UBE3B: variants seen among roughly 807,000 people sequenced by gnomAD.
The protein encoded by UBE3B is ubiquitin protein ligase E3B, also known as ubiquitin-protein ligase E3B.
A neutral mutation model predicts 132.3 loss-of-function variants in UBE3B; 80 were observed. That is an observed-to-expected ratio of 0.60 (90% CI 0.50 to 0.73). The LOEUF is 0.73. Ranked by LOEUF, UBE3B falls within the 30% of genes least tolerant of loss-of-function variation. The probability of loss-of-function intolerance (pLI) is 0.00; values close to 1 mark genes in which losing one functional copy is unlikely to be tolerated. For synonymous variants in UBE3B, 487 were observed against 520.4 expected, an observed-to-expected ratio of 0.94 and a Z score of 0.87; for missense variants, 1,196 against 1,362.5, an observed-to-expected ratio of 0.88 and a Z score of 1.92.
At position 109,534,160 on chromosome 12, in the gene UBE3B, C is replaced by T; in HGVS notation, c.3016-431C>T. 7.9e-7 allele frequency: 1 copy of T among 1,269,520 alleles called. No individual in the cohort carries two copies. Among genetic ancestry groups the T allele is most frequent in the Non-Finnish European group, 1.0e-6 (1 of 982,252 alleles). The allele number at this position is 1,269,520 out of a possible 1,614,324, so 78.6% of individuals were successfully genotyped here. ...CCGTGATGCCACCTTGTACAGGAAG[C>T]TACACAGTCCTCGGCCTCCATGCTT... On this transcript the variant is annotated intron_variant, in intron 27 of 27. Transcript: ENST00000342494. This position sits in a 1 kb window ranked among gnomAD's most constrained non-coding sequence, Gnocchi z 5.2.
rs1425103051 is a variant in UBE3B at position 109,533,478 on chromosome 12, T to C, written c.2935T>C (p.Cys979Arg). The change falls in exon 27 of 28, where the codon TGC (cysteine) becomes CGC (arginine). Residue 979 changes from cysteine (C) to arginine (R), a missense_variant. Coordinates refer to ENST00000342494, the MANE Select transcript of UBE3B (RefSeq NM_130466.4). ...CTTTGTGTTGCAGTTCGTGACCAGCTGCTCCAGACCCCCGCTCCTGGGATT... is the reference window on the plus strand; with the variant it reads ...CTTTGTGTTGCAGTTCGTGACCAGCCGCTCCAGACCCCCGCTCCTGGGATT... The part of the protein sequence containing the change: ...RAMFLKFVTS[C>R]SRPPLLGFAY... 6.2e-7 allele frequency: 1 copy of C among 1,614,136 alleles called. No individual in the cohort carries two copies. The highest frequency in any genetic ancestry group is 8.5e-7 in the Non-Finnish European group (1 of 1,180,012).
At position 109,499,632 on chromosome 12, in the gene UBE3B, G is replaced by A. The variant is rs886041886; in HGVS notation, c.941-1G>A. 1 of 1,586,496 alleles carries A rather than the reference G, an allele frequency of 6.3e-7. No individual in the cohort carries two copies. The highest frequency in any genetic ancestry group is 8.6e-7 in the Non-Finnish European group (1 of 1,165,276). On this transcript the variant is annotated splice_acceptor_variant, in intron 11 of 27. Coordinates refer to ENST00000342494, the MANE Select transcript of UBE3B (RefSeq NM_130466.4). LOFTEE classifies it high-confidence loss of function. The stretch of plus-strand genomic sequence containing the variant: ...TCACACTCAGCCTTCTCTCTCTGTA[G>A]GCAACCTCCTACACTTGGGCTCCCT...
chr12:109,508,876 T>C, intron 15 of UBE3B: 1 of 452,226 alleles, frequency 2.2e-6, no homozygotes, highest in Non-Finnish European at 2.9e-6. Context: ...GTGTCACTAG[T>C]ATGTGTCTTA....
chr12:109,538,460 C>T (rs1221464613), downstream of UBE3B, among the ~76,000 whole-genome samples: 2 of 152,204 alleles, frequency 1.3e-5, no homozygotes, highest in African/African-American at 4.8e-5. This position sits in a 1 kb window ranked among gnomAD's most constrained non-coding sequence, Gnocchi z 4.1. Context: ...TGGAGGGCAG[C>T]CTCCCTGTGT....
downstream of UBE3B, among the ~76,000 whole-genome samples, chr12:109,540,260 T>G (rs1467231371): frequency 6.6e-6 from 1 of 152,132 alleles, no homozygotes; most frequent in African/African-American, 2.4e-5. Flanking sequence ...GGATCAAGAT[T>G]GCCCAGGCGC....
chr12:109,480,776 A>G (rs73196264), intron 1 of UBE3B, among the ~76,000 whole-genome samples: 6,618 of 152,272 alleles, frequency 0.043, 200 homozygotes, highest in Middle Eastern at 0.075. Flanking sequence ...CACCATGTGC[A>G]TGCTGTGGAA....
intron 14 of UBE3B, among the ~76,000 whole-genome samples, chr12:109,506,693 G>A (rs990779652): frequency 2.6e-5 from 4 of 152,204 alleles, no homozygotes; most frequent in African/African-American, 7.2e-5. Context: ...CCGCTTTTGT[G>A]CTGTAGTGGT....
chr12:109,513,977 C>T (rs922854710), intron 18 of UBE3B, among the ~76,000 whole-genome samples: 10 of 152,214 alleles, frequency 6.6e-5, no homozygotes, highest in Non-Finnish European at 1.2e-4. Flanking sequence ...GTAATAGGCT[C>T]TCTCTGCTCT....
Position 109,507,465 on chromosome 12 carries a change from T to A in UBE3B, c.1451-99T>A, listed in dbSNP as rs890057550. On this transcript the variant is annotated intron_variant, in intron 14 of 27. Coordinates refer to ENST00000342494, the MANE Select transcript of UBE3B (RefSeq NM_130466.4). ...TCTTTTCACGCACATTAAATGTTCA[T>A]GGATAGGTTTAAGTGTTTTGTTTCC... 3.1e-6 allele frequency: 4 copies of A among 1,295,474 alleles called. No individual in the cohort carries two copies. In the African/African-American group the frequency reaches 6.0e-5, roughly 19 times the overall value. 80.2% of individuals were successfully genotyped at this position (1,295,474 alleles called of 1,614,324 possible). A position where few individuals can be genotyped will look rare whatever the true frequency, so the allele number is the denominator to read the frequency against.
rs778309991 is a variant in UBE3B, at chr12:109,530,528, A to G, written c.2811-19A>G. The G allele has an allele frequency of 6.2e-7, 1 of 1,611,164 alleles. No homozygotes were observed. The highest frequency in any genetic ancestry group is 1.1e-5 in the South Asian group (1 of 91,020). On this transcript the variant is annotated intron_variant, in intron 25 of 27. Coordinates refer to ENST00000342494, the MANE Select transcript of UBE3B (RefSeq NM_130466.4). ...CCCACGCTAGCACATTGCTGAGCCC[A>G]GGTCTGTATTGCTTTCAGGAAGCAC...
intron 1 of UBE3B, among the ~76,000 whole-genome samples, chr12:109,478,399 A>G (rs1462451761): frequency 6.6e-6 from 1 of 152,188 alleles, no homozygotes; most frequent in Non-Finnish European, 1.5e-5. Flanking sequence ...AAAAGCATCC[A>G]CCTTAGATAG....
At chr12:109,504,691 A>C (rs186076221) in intron 14 of UBE3B, among the ~76,000 whole-genome samples, 1,550 of 152,296 alleles carry the variant, frequency 0.01, 15 homozygotes, top group Non-Finnish European at 0.014. Flanking sequence ...CAGGTTTCCC[A>C]AAGATGAGCA....
At chr12:109,512,660 G>C (rs915937374) in intron 18 of UBE3B, among the ~76,000 whole-genome samples, 6 of 152,090 alleles carry the variant, frequency 3.9e-5, no homozygotes, top group African/African-American at 1.4e-4. Context: ...TCATTTTTCA[G>C]AGGTATTTCA....
In UBE3B at chr12:109,534,335, A is replaced by C; in HGVS notation, c.3016-256A>C. ...TAACCAGTAATTCGCTGTGAACCGG[A>C]AGGCCCCATTTCCAAAAGCTTACTT... On this transcript the variant is annotated intron_variant, in intron 27 of 27. Coordinates refer to ENST00000342494, the MANE Select transcript of UBE3B (RefSeq NM_130466.4). This position sits in a 1 kb window ranked among gnomAD's most constrained non-coding sequence, Gnocchi z 5.2. 3 of 1,410,156 alleles carry C rather than the reference A, an allele frequency of 2.1e-6. No homozygotes were observed. Among genetic ancestry groups the C allele is most frequent in the Non-Finnish European group, 2.8e-6 (3 of 1,087,552 alleles). 87.4% of individuals were successfully genotyped at this position (1,410,156 alleles called of 1,614,324 possible).
At chr12:109,494,633 C>G (rs1162905115) in intron 9 of UBE3B, among the ~76,000 whole-genome samples, 1 of 152,196 alleles carries the variant, frequency 6.6e-6, no homozygotes, top group Non-Finnish European at 1.5e-5. Context: ...TACTTAAATG[C>G]AACAGCTACA....
intron 18 of UBE3B, among the ~76,000 whole-genome samples, chr12:109,512,339 A>G (rs2241210): frequency 0.57 from 86,193 of 151,938 alleles, 25,468 homozygotes; most frequent in African/African-American, 0.72. Context: ...CAGAGGGCCA[A>G]CACGAGGAGG....
chr12:109,507,122 A>G (rs1879787353), intron 14 of UBE3B, among the ~76,000 whole-genome samples: 2 of 152,222 alleles, frequency 1.3e-5, no homozygotes, highest in South Asian at 4.1e-4. Context: ...CACAGTGCCT[A>G]AAAATATTTA....
At chr12:109,518,122 A>G in intron 19 of UBE3B, 1 of 221,580 alleles carries the variant, frequency 4.5e-6, no homozygotes, top group Non-Finnish European at 9.8e-6. Context: ...TGCTAGACAT[A>G]TAGAAATAAT....
At position 109,516,773 on chromosome 12, in the gene UBE3B, A is replaced by T. The variant is rs776589075; in HGVS notation, c.1965A>T (p.Leu655=). ...GCCTTTGTTCATTTTAGAGAGTTCT[A>T]CTGTTTCGAACCATGGTTACCAAGG... ...PHVIPHKNRV[L]LFRTMVTKEK... is the part of the protein sequence containing the mutation. Residue 655 remains leucine (L), a synonymous_variant, in exon 19 of 28, where the codon CTA becomes CTT. Transcript: ENST00000342494. 6.2e-7 allele frequency: 1 copy of T among 1,613,848 alleles called. No individual in the cohort carries two copies.
Sources: allele counts gnomAD v4.1 joint callset (sites outside exome capture counted in the v4.1 genomes callset), GRCh38; gene constraint gnomAD v4.1.1; non-coding constraint Gnocchi (gnomAD v3.1); transcripts MANE v1.5; gene names NCBI Gene and HGNC (gene_info 2026-07-23, HGNC 2026-07-21).